Variants in SEMA6D observed in about 807,000 individuals in gnomAD.
SEMA6D encodes the protein semaphorin 6D, also known as semaphorin-6D.
Under a neutral mutation model 106.6 loss-of-function variants are expected in SEMA6D, and 35 were observed. That is an observed-to-expected ratio of 0.33 (90% confidence interval 0.25 to 0.44). SEMA6D has a LOEUF of 0.44. Ranked by LOEUF, SEMA6D falls within the 20% of genes least tolerant of loss-of-function variation. SEMA6D has a pLI of 1.00. For missense variants in SEMA6D, 1,185 were observed against 1,345.9 expected (o/e 0.88, Z 1.87); for synonymous variants, 499 against 487.7 (o/e 1.02, Z -0.31).
intron 1 of SEMA6D, among the ~76,000 whole-genome samples, chr15:47,221,426 C>A (rs1251565287): frequency 1.3e-5 from 2 of 152,196 alleles, no homozygotes; most frequent in Non-Finnish European, 2.9e-5. Flanking sequence ...ATTTCATTAA[C>A]CCTGCGGGCA....
chr15:47,350,129 AT>A (rs2038259413), intron 1 of SEMA6D, among the ~76,000 whole-genome samples: 1 of 152,206 alleles, frequency 6.6e-6, no homozygotes, highest in Non-Finnish European at 1.5e-5. Context: ...ATGTCCCTTA[AT>A]CACAAATCAA....
At chr15:47,443,360 A>G (rs562676676) in intron 2 of SEMA6D, among the ~76,000 whole-genome samples, 2 of 152,216 alleles carry the variant, frequency 1.3e-5, no homozygotes, top group East Asian at 3.9e-4. Context: ...GGGAGTAGCA[A>G]AACCTTGGGC....
chr15:47,723,150 G>A (rs1368478854), intron 1 of SEMA6D, among the ~76,000 whole-genome samples: 2 of 152,186 alleles, frequency 1.3e-5, no homozygotes, highest in Non-Finnish European at 2.9e-5. Context: ...TGCGTACTGA[G>A]TGAAATTATA....
At chr15:47,620,684 T>A (rs2144179259) in intron 4 of SEMA6D, among the ~76,000 whole-genome samples, 1 of 148,076 alleles carries the variant, frequency 6.8e-6, no homozygotes, top group East Asian at 2.0e-4. Flanking sequence ...GGGTTTCACT[T>A]GCCTTTAAAA....
intron 1 of SEMA6D, among the ~76,000 whole-genome samples, chr15:47,259,997 GTT>G (rs201793716): frequency 7.0e-6 from 1 of 143,362 alleles, no homozygotes. Flanking sequence ...CATTTAGCAT[GTT>G]TTTTTTTTTC....
intron 4 of SEMA6D, among the ~76,000 whole-genome samples, chr15:47,659,772 G>A (rs927063913): frequency 3.3e-5 from 5 of 152,034 alleles, no homozygotes; most frequent in Non-Finnish European, 7.4e-5. Flanking sequence ...GAAAAAATAT[G>A]AATGGCTTCT....
At chr15:47,292,442 T>G (rs1051130600) in intron 1 of SEMA6D, among the ~76,000 whole-genome samples, 1 of 152,202 alleles carries the variant, frequency 6.6e-6, no homozygotes, top group Admixed American at 6.5e-5. Flanking sequence ...TCAAATGAGT[T>G]TTTTGTTTTC....
At chr15:47,220,338 T>G (rs2031075375) in intron 1 of SEMA6D, among the ~76,000 whole-genome samples, 1 of 152,208 alleles carries the variant, frequency 6.6e-6, no homozygotes, top group Non-Finnish European at 1.5e-5. Context: ...GGTGCTGTTG[T>G]GGTGAGCTAG....
chr15:47,741,573 G>A (rs1364677921), intron 1 of SEMA6D, among the ~76,000 whole-genome samples: 1 of 152,126 alleles, frequency 6.6e-6, no homozygotes, highest in Non-Finnish European at 1.5e-5. Flanking sequence ...AAAATCAGCC[G>A]GGCGTGGTGG....
intron 1 of SEMA6D, among the ~76,000 whole-genome samples, chr15:47,340,799 C>CTG (rs1205500914): frequency 1.2e-4 from 19 of 152,148 alleles, no homozygotes; most frequent in African/African-American, 4.6e-4. Context: ...AAATACCACC[C>CTG]TCACTCTGTC....
chr15:47,313,947 G>A (rs1255617949), intron 1 of SEMA6D, among the ~76,000 whole-genome samples: 1 of 152,154 alleles, frequency 6.6e-6, no homozygotes, highest in Non-Finnish European at 1.5e-5. Flanking sequence ...GCTCTTTTGG[G>A]TAAATAGCAA....
chr15:47,226,004 T>G (rs1379588520), intron 1 of SEMA6D, among the ~76,000 whole-genome samples: 1 of 152,090 alleles, frequency 6.6e-6, no homozygotes, highest in Non-Finnish European at 1.5e-5. Flanking sequence ...CCAGTACTTG[T>G]GACTGTGATC....
chr15:47,400,553 G>C (rs1043454088), intron 1 of SEMA6D, among the ~76,000 whole-genome samples: 3 of 151,864 alleles, frequency 2.0e-5, no homozygotes, highest in Non-Finnish European at 2.9e-5. Context: ...TATGAGGCAG[G>C]CATTATTCCC....
intron 1 of SEMA6D, among the ~76,000 whole-genome samples, chr15:47,253,121 G>A (rs1363458349): frequency 6.6e-6 from 1 of 151,924 alleles, no homozygotes; most frequent in Non-Finnish European, 1.5e-5. Context: ...TCACTGTTTT[G>A]ATTTGTATTT....
chr15:47,280,193 C>T (rs2142494107), intron 1 of SEMA6D, among the ~76,000 whole-genome samples: 1 of 152,194 alleles, frequency 6.6e-6, no homozygotes, highest in South Asian at 2.1e-4. Flanking sequence ...TGATTATTGC[C>T]ACAATTTCAG....
intron 1 of SEMA6D, among the ~76,000 whole-genome samples, chr15:47,235,949 G>T (rs2032512929): frequency 6.6e-6 from 1 of 152,050 alleles, no homozygotes; most frequent in Non-Finnish European, 1.5e-5. Context: ...TGCTCCCTCA[G>T]ATATTGGTAC....
upstream of SEMA6D, chr15:47,717,386 C>G (rs892379462): frequency 6.6e-6 from 1 of 152,012 alleles, no homozygotes; most frequent in Non-Finnish European, 1.5e-5. Flanking sequence ...GGGTGGGACC[C>G]GCGCCGGGAG....
intron 3 of SEMA6D, among the ~76,000 whole-genome samples, chr15:47,558,979 A>G (rs1221795455): frequency 6.6e-6 from 1 of 152,098 alleles, no homozygotes; most frequent in Non-Finnish European, 1.5e-5. Context: ...AAGGGAAAAG[A>G]TACAACATTC....
intron 3 of SEMA6D, among the ~76,000 whole-genome samples, chr15:47,503,689 T>TCTCACACACACACACACA (rs1555449866): frequency 6.7e-6 from 1 of 148,594 alleles, no homozygotes; most frequent in Non-Finnish European, 1.5e-5. Context: ...TCTCTCTCTG[T>TCTCACACACACACACACA]CACACACACA....
Sources: gnomAD v4.1 joint callset for allele counts (sites outside exome capture counted in the v4.1 genomes callset) on GRCh38, gnomAD v4.1.1 for gene constraint, MANE v1.5 for transcripts, NCBI Gene and HGNC (gene_info 2026-07-23, HGNC 2026-07-21) for gene names.